TUT4: variants seen among roughly 807,000 people sequenced by gnomAD.
The protein encoded by TUT4 is terminal uridylyl transferase 4.
Under a neutral mutation model 192.2 loss-of-function variants are expected in TUT4, and 36 were observed. That is an observed-to-expected ratio of 0.19 (90% confidence interval 0.14 to 0.25). The LOEUF is 0.25. TUT4 is among the 10% of genes least tolerant of loss of function. TUT4 has a pLI of 1.00. For missense variants in TUT4, 1,493 were observed against 1,957.2 expected (o/e 0.76, Z 4.47); for synonymous variants, 618 against 666.0 (o/e 0.93, Z 1.11).
intron 9 of TUT4, 32 bp downstream of exon 9, chr1:52,488,877 A>G (rs748124086): frequency 6.3e-7 from 1 of 1,578,400 alleles, no homozygotes; most frequent in Admixed American, 2.0e-5. Context: ...TTCTAAAAAT[A>G]TAAATAAGTA....
chr1:52,503,637 C>A (rs1382655170), intron 4 of TUT4, among the ~76,000 whole-genome samples: 1 of 151,906 alleles, frequency 6.6e-6, no homozygotes, highest in African/African-American at 2.4e-5. Context: ...CAGTATGGAC[C>A]CAAACCCCTG....
chr1:52,507,890 A>G (rs1676051091), intron 4 of TUT4, among the ~76,000 whole-genome samples: 1 of 152,064 alleles, frequency 6.6e-6, no homozygotes, highest in African/African-American at 2.4e-5. Flanking sequence ...GGCTCACTGC[A>G]GCCTCCACCT....
chr1:52,502,495 T>A (rs890589011), intron 4 of TUT4, among the ~76,000 whole-genome samples: 5 of 152,082 alleles, frequency 3.3e-5, no homozygotes, highest in African/African-American at 1.2e-4. Context: ...ATTAATACTA[T>A]CACCTGTGCT....
At chr1:52,507,439 C>T (rs901774975) in intron 4 of TUT4, among the ~76,000 whole-genome samples, 8 of 152,174 alleles carry the variant, frequency 5.3e-5, no homozygotes, top group East Asian at 1.9e-4. Context: ...TTGACTCTGT[C>T]GCCTGAAAAC....
intron 2 of TUT4, among the ~76,000 whole-genome samples, chr1:52,520,909 C>CA (rs1260689851): frequency 6.6e-6 from 1 of 152,072 alleles, no homozygotes; most frequent in Admixed American, 6.5e-5. Context: ...TCTCCTGCCT[C>CA]AGCCTCCCGA....
chr1:52,548,094 G>C (rs1308849989), intron 1 of TUT4, among the ~76,000 whole-genome samples: 3 of 152,006 alleles, frequency 2.0e-5, no homozygotes, highest in Non-Finnish European at 4.4e-5. Context: ...TGTCACCCCA[G>C]ACCAGAGAAT....
At chr1:52,448,907 G>C (rs1433769265) in intron 20 of TUT4, among the ~76,000 whole-genome samples, 1 of 152,090 alleles carries the variant, frequency 6.6e-6, no homozygotes, top group Non-Finnish European at 1.5e-5. Flanking sequence ...CCATGATCCA[G>C]CCCAACTACG....
At chr1:52,512,148 G>C (rs1677355621) in intron 3 of TUT4, among the ~76,000 whole-genome samples, 1 of 152,106 alleles carries the variant, frequency 6.6e-6, no homozygotes, top group African/African-American at 2.4e-5. Flanking sequence ...CACAGAATGG[G>C]GAGTCAGAAG....
intron 2 of TUT4, among the ~76,000 whole-genome samples, chr1:52,522,048 C>G (rs1680429908): frequency 6.7e-6 from 1 of 149,214 alleles, no homozygotes; most frequent in Admixed American, 6.6e-5. Flanking sequence ...ATCATTAATT[C>G]AAACATTATT....
At chr1:52,517,856 CCTT>C (rs1557924010) in intron 2 of TUT4, among the ~76,000 whole-genome samples, 2 of 152,134 alleles carry the variant, frequency 1.3e-5, no homozygotes, top group Non-Finnish European at 2.9e-5. Flanking sequence ...AATAATGTAA[CCTT>C]CTTCTCTTTT....
At chr1:52,453,958 T>C (rs759462037) in intron 20 of TUT4, among the ~76,000 whole-genome samples, 1 of 152,174 alleles carries the variant, frequency 6.6e-6, no homozygotes, top group Non-Finnish European at 1.5e-5. Flanking sequence ...AATTTGAAAT[T>C]AGAAATACAA....
chr1:52,425,423 G>A lies in TUT4; in HGVS notation c.4796C>T (p.Pro1599Leu), dbSNP rs777005091. 4 of 1,613,982 alleles carry A rather than the reference G, an allele frequency of 2.5e-6. No individual in the cohort carries two copies. Among genetic ancestry groups the A allele is most frequent in the Non-Finnish European group, 3.4e-6 (4 of 1,179,934 alleles). The change falls in exon 29 of 30, where the codon CCT becomes CTT. Residue 1599 changes from proline (P) to leucine (L), a missense_variant. Physicochemically the swap from Pro to Leu is moderately conservative, Grantham distance 98. Transcript: ENST00000257177. ...CATGAAGTTTTGATGCAAACCATAA[G>A]GCCACGAAGCTGGGACAAGGGGGAA... is the stretch of plus-strand genomic sequence containing the variant. ...PHFPLVPASW[P>L]YGLHQNFMHQ...
chr1:52,444,981 GTATA>G (rs573044412), intron 24 of TUT4, among the ~76,000 whole-genome samples: 1 of 149,580 alleles, frequency 6.7e-6, no homozygotes, highest in Non-Finnish European at 1.5e-5. Flanking sequence ...GTATATGTGT[GTATA>G]TATATGTATA....
intron 3 of TUT4, among the ~76,000 whole-genome samples, chr1:52,512,088 T>C (rs917013886): frequency 6.6e-6 from 1 of 152,166 alleles, no homozygotes; most frequent in African/African-American, 2.4e-5. Context: ...TTTTCAATTG[T>C]AAAATGTTAG....
intron 14 of TUT4, among the ~76,000 whole-genome samples, chr1:52,469,913 C>T (rs1049482627): frequency 2.7e-5 from 4 of 147,058 alleles, no homozygotes; most frequent in Middle Eastern, 3.6e-3. Context: ...AAAAAAAAGA[C>T]GGCTACATAT....
intron 28 of TUT4, among the ~76,000 whole-genome samples, chr1:52,429,114 C>T (rs1249868620): frequency 2.2e-5 from 3 of 133,860 alleles, no homozygotes; most frequent in Non-Finnish European, 4.6e-5. Flanking sequence ...GATGGAGTCT[C>T]GCTCTGTCGC....
chr1:52,532,967 A>G (rs1376233891), intron 1 of TUT4, among the ~76,000 whole-genome samples: 2 of 152,182 alleles, frequency 1.3e-5, no homozygotes, highest in African/African-American at 4.8e-5. Context: ...CGCTTCAATC[A>G]TTCAACCATC....
At chr1:52,503,003 T>C (rs114153846) in intron 4 of TUT4, among the ~76,000 whole-genome samples, 164 of 152,328 alleles carry the variant, frequency 1.1e-3, no homozygotes, top group African/African-American at 3.8e-3. Flanking sequence ...CCTGGCACCG[T>C]GCCAAGTGCT....
chr1:52,461,444 A>G, intron 18 of TUT4, 69 bp downstream of exon 18: 1 of 1,437,234 alleles, frequency 7.0e-7, no homozygotes, highest in Non-Finnish European at 9.6e-7. Context: ...AAAGTTTTAA[A>G]CATAGAGTCA....
Sources: gnomAD v4.1 joint callset for allele counts (sites outside exome capture counted in the v4.1 genomes callset) on GRCh38, gnomAD v4.1.1 for gene constraint, MANE v1.5 for transcripts, NCBI Gene and HGNC (gene_info 2026-07-23, HGNC 2026-07-21) for gene names.